Variants in KIAA2012 observed in about 807,000 individuals in gnomAD.
KIAA2012 encodes the protein uncharacterized protein KIAA2012.
A neutral mutation model predicts 150.6 loss-of-function variants in KIAA2012; 125 were observed. The observed-to-expected ratio is 0.83, with a 90% CI of 0.72 to 0.96. The LOEUF is 0.96. Ranked by LOEUF, KIAA2012 falls within the 40% of genes least tolerant of loss-of-function variation. KIAA2012 has a pLI of 0.00. For synonymous variants in KIAA2012, 462 were observed against 504.7 expected (o/e 0.92, Z 1.13); for missense variants, 1,219 against 1,354.9 (o/e 0.90, Z 1.57).
chr2:202,138,361 G>A, intron 12 of KIAA2012, 71 bp from the exon 13 acceptor site: 1 of 922,430 alleles, frequency 1.1e-6, no homozygotes, highest in Non-Finnish European at 1.7e-6. Flanking sequence ...TGTGTGTATG[G>A]TATATATAAA....
At chr2:202,187,808 C>A (rs970903032) in intron 17 of KIAA2012, among the ~76,000 whole-genome samples, 3 of 152,150 alleles carry the variant, frequency 2.0e-5, no homozygotes, top group Non-Finnish European at 4.4e-5. Flanking sequence ...GAATAGTTAA[C>A]CATTAATCAT....
At chr2:202,160,452 T>C (rs1404304819) in intron 14 of KIAA2012, among the ~76,000 whole-genome samples, 2 of 151,868 alleles carry the variant, frequency 1.3e-5, no homozygotes, top group Admixed American at 1.3e-4. Flanking sequence ...TAGCTGGGAC[T>C]ACAGGCGCCC....
intron 4 of KIAA2012, among the ~76,000 whole-genome samples, chr2:202,093,431 G>T (rs1209074328): frequency 6.6e-6 from 1 of 152,210 alleles, no homozygotes; most frequent in African/African-American, 2.4e-5. Context: ...CATTTGAAAT[G>T]TAGCAGTACA....
chr2:202,133,130 A>ATATATATATTTTTTTTTTTTTTTTT (rs1279080237), intron 12 of KIAA2012, among the ~76,000 whole-genome samples: 3 of 67,764 alleles, frequency 4.4e-5, no homozygotes, highest in Non-Finnish European at 5.8e-5. Flanking sequence ...ATATATATAT[A>ATATATATATTTTTTTTTTTTTTTTT]TTTTTTTTTT....
Position 202,190,328 on chromosome 2 carries a change from T to C in KIAA2012, c.2646T>C (p.Gly882=), listed in dbSNP as rs1313454149. The C allele has an allele frequency of 1.3e-6, 2 of 1,550,208 alleles. No homozygotes were observed. Among genetic ancestry groups the C allele is most frequent in the South Asian group, 2.4e-5 (2 of 84,032 alleles). ...AAACAGAAGACACCTCAAATAGAGG[T>C]TCCTTTGCCTCAGACTCCTTTGTAG... ...YEETEDTSNR[G]SFASDSFVED... is the part of the protein sequence containing the mutation. The change falls in exon 19 of 24, where the codon GGT becomes GGC. Residue 882 remains glycine (G), a synonymous_variant. Coordinates refer to ENST00000498697, the MANE Select transcript of KIAA2012 (RefSeq NM_001277372.4).
At chr2:202,099,892 C>T (rs548426243) in intron 6 of KIAA2012, 96 bp downstream of exon 6, 16 of 1,059,468 alleles carry the variant, frequency 1.5e-5, no homozygotes, top group East Asian at 7.9e-5. Flanking sequence ...CACTTCCTTG[C>T]GCCACTCACC....
chr2:202,177,523 A>T (rs1692019767), intron 15 of KIAA2012, among the ~76,000 whole-genome samples: 1 of 152,156 alleles, frequency 6.6e-6, no homozygotes, highest in African/African-American at 2.4e-5. Context: ...GGAGGCAAAA[A>T]GGCAAAAGAG....
In KIAA2012 at chr2:202,181,569, G is replaced by A. The variant is rs569492275; in HGVS notation, c.2120-3184G>A. On this transcript the variant is annotated intron_variant, in intron 15 of 23. Transcript: ENST00000498697. ...TGCACTCCACCCTGAGCAACAGAGC[G>A]AGACCCTGTCTCTAAGAATAAAAAA... 2.6e-5 allele frequency among the ~76,000 whole-genome samples: 4 copies of A among 151,766 alleles called. No individual in the cohort carries two copies. In the South Asian group the frequency reaches 8.3e-4, roughly 32 times the overall value.
chr2:202,148,952 T>C (rs1691362582), intron 13 of KIAA2012, among the ~76,000 whole-genome samples: 1 of 152,170 alleles, frequency 6.6e-6, no homozygotes, highest in Non-Finnish European at 1.5e-5. Flanking sequence ...GCCCCACGTC[T>C]GGCCCCATTC....
intron 15 of KIAA2012, chr2:202,179,304 C>T: frequency 8.4e-7 from 1 of 1,194,838 alleles, no homozygotes; most frequent in Non-Finnish European, 1.2e-6. Flanking sequence ...GATGGCGGAG[C>T]GCGGTACGGC....
chr2:202,162,176 A>T (rs1321961281), intron 14 of KIAA2012, among the ~76,000 whole-genome samples: 1 of 152,126 alleles, frequency 6.6e-6, no homozygotes, highest in African/African-American at 2.4e-5. Flanking sequence ...AGAATGTATA[A>T]TGCATATATA....
intron 9 of KIAA2012, among the ~76,000 whole-genome samples, chr2:202,106,418 G>C (rs974808278): frequency 6.6e-5 from 10 of 152,270 alleles, no homozygotes; most frequent in Middle Eastern, 3.4e-3. Context: ...GGGTGCGGTG[G>C]CTCATGCCTA....
intron 9 of KIAA2012, among the ~76,000 whole-genome samples, chr2:202,108,882 T>A (rs1690270868): frequency 6.6e-6 from 1 of 152,306 alleles, no homozygotes; most frequent in Non-Finnish European, 1.5e-5. Flanking sequence ...CAACTATTGT[T>A]TTACATGTGA....
chr2:202,129,615 T>TCTC (rs1690878348), intron 12 of KIAA2012, among the ~76,000 whole-genome samples: 1 of 151,714 alleles, frequency 6.6e-6, no homozygotes, highest in Non-Finnish European at 1.5e-5. Flanking sequence ...ATTGTGTAGA[T>TCTC]GGTAGTCTTT....
At chr2:202,154,642 G>A (rs769392185) in intron 13 of KIAA2012, 31 bp from the exon 14 acceptor site, 1 of 1,514,996 alleles carries the variant, frequency 6.6e-7, no homozygotes, top group South Asian at 1.3e-5. Context: ...TCATTCATAT[G>A]AAAGTTCGGG....
chr2:202,131,903 C>T lies in KIAA2012; in HGVS notation c.1832-6529C>T, dbSNP rs535990729. On this transcript the variant is annotated intron_variant, in intron 12 of 23. Coordinates refer to ENST00000498697, the MANE Select transcript of KIAA2012 (RefSeq NM_001277372.4). ...TAGAAAGCAGCTAAGAGGCCTGGTGCGGTGGCTCATGCCTGTAATCCTGGC... is the reference window on the plus strand; with the variant it reads ...TAGAAAGCAGCTAAGAGGCCTGGTGTGGTGGCTCATGCCTGTAATCCTGGC... Among the ~76,000 whole-genome samples the T allele has an allele frequency of 2.0e-5, 3 of 152,196 alleles. No homozygotes were observed. The South Asian group carries it at 6.2e-4, about 32-fold the overall frequency.
intron 12 of KIAA2012, among the ~76,000 whole-genome samples, chr2:202,131,263 C>G (rs1361417025): frequency 3.9e-5 from 6 of 152,160 alleles, no homozygotes. Flanking sequence ...CCTCAGCCTC[C>G]CAAGTAGCTG....
intron 2 of KIAA2012, among the ~76,000 whole-genome samples, chr2:202,084,061 A>C (rs1207851790): frequency 1.3e-5 from 2 of 152,152 alleles, no homozygotes; most frequent in Non-Finnish European, 2.9e-5. Flanking sequence ...GTCACTAGCC[A>C]GGCTCCCTGC....
At position 202,138,095 on chromosome 2, in the gene KIAA2012, A is replaced by AT. The variant is rs553617627; in HGVS notation, c.1832-330dup. ...AATTTATACTCAACAGCATCAGCAGATTTTTTTCCATCAATATTTCCTTTT... is the reference window on the plus strand; with the variant it reads ...AATTTATACTCAACAGCATCAGCAGATTTTTTTTCCATCAATATTTCCTTTT... On this transcript the variant is annotated intron_variant, in intron 12 of 23. Transcript: ENST00000498697. 64 of 178,130 alleles carry AT rather than the reference A, an allele frequency of 3.6e-4. 1 individual carries two copies. The South Asian group carries it at 6.0e-3, about 17-fold the overall frequency. The allele number at this position is 178,130 out of a possible 1,614,324, so 11.0% of individuals were successfully genotyped here. A position where few individuals can be genotyped will look rare whatever the true frequency, so the allele number is the denominator to read the frequency against.
Sources: allele counts gnomAD v4.1 joint callset (sites outside exome capture counted in the v4.1 genomes callset), GRCh38; gene constraint gnomAD v4.1.1; transcripts MANE v1.5; gene names NCBI Gene and HGNC (gene_info 2026-07-23, HGNC 2026-07-21).